The following NR3C1 variants were observed in gnomAD, a reference collection of about 807,000 sequenced individuals.
NR3C1 encodes the protein nuclear receptor subfamily 3 group C member 1.
NR3C1 carries 14 observed loss-of-function variants against 74.0 expected under a neutral mutation model. The ratio of observed to expected loss-of-function variants is 0.19; its 90% CI spans 0.12 to 0.30. The LOEUF is 0.30. NR3C1 is among the 10% of genes least tolerant of loss of function. The probability of loss-of-function intolerance (pLI) is 1.00; values close to 1 mark genes in which losing one functional copy is unlikely to be tolerated. For missense variants in NR3C1, 695 were observed against 909.8 expected, an observed-to-expected ratio of 0.76 and a Z score of 3.04; for synonymous variants, 308 against 332.5, an observed-to-expected ratio of 0.93 and a Z score of 0.80.
At chr5:143,370,545 A>T (rs1249984161) in intron 2 of NR3C1, among the ~76,000 whole-genome samples, 1 of 152,238 alleles carries the variant, frequency 6.6e-6, no homozygotes, top group African/African-American at 2.4e-5. Context: ...TACAGAAGAG[A>T]GTCATGAGAC....
At chr5:143,394,912 T>TCC (rs1838913185) in intron 2 of NR3C1, among the ~76,000 whole-genome samples, 1 of 151,922 alleles carries the variant, frequency 6.6e-6, no homozygotes, top group African/African-American at 2.4e-5. Context: ...CTGTTGCTCC[T>TCC]CCCTCTTCAC....
chr5:143,399,345 C>T (rs1156300552), intron 2 of NR3C1, among the ~76,000 whole-genome samples: 1 of 152,176 alleles, frequency 6.6e-6, no homozygotes, highest in Non-Finnish European at 1.5e-5. Context: ...ACATTATACT[C>T]TCCTGAATTT....
At chr5:143,334,304 C>T (rs1188070969) in intron 2 of NR3C1, among the ~76,000 whole-genome samples, 1 of 152,120 alleles carries the variant, frequency 6.6e-6, no homozygotes, top group Non-Finnish European at 1.5e-5. Flanking sequence ...ATCGCTTGAA[C>T]CTGGGAGGTG....
At chr5:143,301,665 G>A (rs978860158) in intron 4 of NR3C1, among the ~76,000 whole-genome samples, 1 of 152,054 alleles carries the variant, frequency 6.6e-6, no homozygotes, top group African/African-American at 2.4e-5. Flanking sequence ...TTCTCTCAGA[G>A]GGAAAGTACT....
chr5:143,403,739 C>T, upstream of NR3C1: 1 of 985,074 alleles, frequency 1.0e-6, no homozygotes, highest in Non-Finnish European at 1.2e-6. Flanking sequence ...CCCCCGGCCG[C>T]TCCCCGCCCG....
At chr5:143,418,039 A>G (rs1172592827) in intron 1 of NR3C1, among the ~76,000 whole-genome samples, 1 of 152,204 alleles carries the variant, frequency 6.6e-6, no homozygotes, top group African/African-American at 2.4e-5. Flanking sequence ...GCCAAAAGAA[A>G]CAGAAGCACA....
At chr5:143,422,773 T>C (rs1020441548) in intron 1 of NR3C1, among the ~76,000 whole-genome samples, 2 of 152,196 alleles carry the variant, frequency 1.3e-5, no homozygotes, top group African/African-American at 4.8e-5. Context: ...ACGCAGTCTA[T>C]GGGATTCTGT....
intron 2 of NR3C1, among the ~76,000 whole-genome samples, chr5:143,335,349 T>C (rs181728342): frequency 6.6e-6 from 1 of 152,346 alleles, no homozygotes; most frequent in Admixed American, 6.5e-5. Flanking sequence ...TACTCTAAGA[T>C]TATTGTTGTA....
intron 2 of NR3C1, among the ~76,000 whole-genome samples, chr5:143,362,076 A>G (rs1361774351): frequency 6.6e-6 from 1 of 152,242 alleles, no homozygotes; most frequent in African/African-American, 2.4e-5. Context: ...CAAGTTCTAC[A>G]TATCCATAAA....
chr5:143,334,543 G>GT (rs918198348), intron 2 of NR3C1, among the ~76,000 whole-genome samples: 132 of 152,200 alleles, frequency 8.7e-4, no homozygotes, highest in African/African-American at 3.1e-3. Flanking sequence ...GTATCCTAGG[G>GT]TTTAATGTTG....
At chr5:143,432,797 A>G (rs1179729665) in intron 1 of NR3C1, among the ~76,000 whole-genome samples, 1 of 152,158 alleles carries the variant, frequency 6.6e-6, no homozygotes, top group Non-Finnish European at 1.5e-5. Context: ...AAATCTGTCA[A>G]CATTTTCCCA....
intron 2 of NR3C1, among the ~76,000 whole-genome samples, chr5:143,372,067 C>G (rs530578970): frequency 3.9e-5 from 6 of 152,320 alleles, no homozygotes; most frequent in African/African-American, 1.4e-4. Flanking sequence ...ACTTATCATA[C>G]ACATTGGCTG....
intron 3 of NR3C1, 60 bp from the exon 4 acceptor site, chr5:143,310,273 A>C (rs1599842318): frequency 8.4e-7 from 1 of 1,196,828 alleles, no homozygotes. Context: ...TTTTATAAGG[A>C]CAGCCTCTGT....
At chr5:143,397,156 G>A (rs1255464369) in intron 2 of NR3C1, among the ~76,000 whole-genome samples, 1 of 151,778 alleles carries the variant, frequency 6.6e-6, no homozygotes, top group African/African-American at 2.4e-5. Flanking sequence ...CCCACCCCCA[G>A]AGAATAAAGT....
intron 2 of NR3C1, among the ~76,000 whole-genome samples, chr5:143,328,166 C>G (rs1020536716): frequency 1.2e-4 from 18 of 152,264 alleles, no homozygotes; most frequent in African/African-American, 4.3e-4. Context: ...CACGTGAAAG[C>G]TGCCAAAGCT....
intron 2 of NR3C1, among the ~76,000 whole-genome samples, chr5:143,374,469 C>T (rs1217838275): frequency 4.7e-5 from 7 of 147,736 alleles, no homozygotes; most frequent in East Asian, 2.0e-4. Flanking sequence ...CCAGCCTGGG[C>T]GACAGAGCGA....
At chr5:143,380,377 C>G (rs1376217627) in intron 2 of NR3C1, among the ~76,000 whole-genome samples, 2 of 152,066 alleles carry the variant, frequency 1.3e-5, no homozygotes, top group African/African-American at 2.4e-5. Flanking sequence ...GGATTTAATT[C>G]ACACTGAATC....
At chr5:143,282,768 T>G in intron 7 of NR3C1, 43 bp from the exon 8 acceptor site, 1 of 1,582,492 alleles carries the variant, frequency 6.3e-7, no homozygotes. Flanking sequence ...TTTCTTTTTC[T>G]TTTCTTTTCT....
upstream of NR3C1, chr5:143,404,651 C>A (rs570025331): frequency 1.4e-5 from 5 of 353,216 alleles, no homozygotes; most frequent in Admixed American, 1.3e-4. Flanking sequence ...AATGCAAAAC[C>A]TCCAGCGAGC....
Sources: allele counts gnomAD v4.1 joint callset (sites outside exome capture counted in the v4.1 genomes callset), GRCh38; gene constraint gnomAD v4.1.1; transcripts MANE v1.5; gene names NCBI Gene and HGNC (gene_info 2026-07-23, HGNC 2026-07-21).